Variants in VTI1A observed in about 807,000 individuals in gnomAD.
The protein encoded by VTI1A is vesicle transport through interaction with t-SNAREs homolog 1A.
A neutral mutation model predicts 34.9 loss-of-function variants in VTI1A; 22 were observed. That is an observed-to-expected ratio of 0.63 (90% CI 0.45 to 0.90). The LOEUF is 0.90. Among genes scored for constraint, VTI1A ranks in the 40% least tolerant of loss-of-function variants. The pLI is 0.00. For missense variants in VTI1A, 268 were observed against 275.6 expected, an observed-to-expected ratio of 0.97 and a Z score of 0.20; for synonymous variants, 87 against 97.3, an observed-to-expected ratio of 0.89 and a Z score of 0.62.
chr10:112,731,703 TC>T (rs1039699275), intron 7 of VTI1A, among the ~76,000 whole-genome samples: 5 of 152,214 alleles, frequency 3.3e-5, no homozygotes, highest in African/African-American at 1.2e-4. Context: ...ATTTTTGATG[TC>T]AGTTTTTAAT....
chr10:112,698,585 C>G (rs1848876363), intron 7 of VTI1A, among the ~76,000 whole-genome samples: 1 of 152,098 alleles, frequency 6.6e-6, no homozygotes, highest in Non-Finnish European at 1.5e-5. Flanking sequence ...AATTTAAGCC[C>G]CCAAATGAGA....
chr10:112,495,196 C>CTTTTTTTT (rs751870581), intron 3 of VTI1A, among the ~76,000 whole-genome samples: 2 of 79,026 alleles, frequency 2.5e-5, no homozygotes, highest in Admixed American at 1.3e-4. Context: ...CAGTAATGGT[C>CTTTTTTTT]TTTTTTTTTT....
At position 112,591,486 on chromosome 10, in the gene VTI1A, C is replaced by T. The variant is rs1489252374; in HGVS notation, c.427+53156C>T. Among the ~76,000 whole-genome samples, 5 of 151,598 alleles carry T rather than the reference C, an allele frequency of 3.3e-5. No homozygotes were observed. The East Asian group carries it at 9.7e-4, about 29-fold the overall frequency. Reference sequence around the variant, plus strand: ...AGTGAGCAGAGATCGCACCACTGCACTCCAGCCTGGGTGACAGAGTGAGAC... The same window carrying T: ...AGTGAGCAGAGATCGCACCACTGCATTCCAGCCTGGGTGACAGAGTGAGAC... On this transcript the variant is annotated intron_variant, in intron 5 of 7. Transcript: ENST00000393077.
intron 5 of VTI1A, among the ~76,000 whole-genome samples, chr10:112,611,419 G>T (rs1381304984): frequency 6.6e-6 from 1 of 152,162 alleles, no homozygotes; most frequent in Non-Finnish European, 1.5e-5. Flanking sequence ...CAATACGGCA[G>T]TTCCTTAAAA....
intron 7 of VTI1A, among the ~76,000 whole-genome samples, chr10:112,744,939 C>A (rs1323123660): frequency 6.6e-6 from 1 of 152,106 alleles, no homozygotes; most frequent in Non-Finnish European, 1.5e-5. Flanking sequence ...TTGGGGTACT[C>A]CCTGAAAGAA....
At chr10:112,671,993 T>C (rs887833280) in intron 7 of VTI1A, 1 of 152,144 alleles carries the variant, frequency 6.6e-6, no homozygotes, top group African/African-American at 2.4e-5. Context: ...TTTAGTGTAG[T>C]AGAGGACGTA....
chr10:112,755,678 T>C (rs1410775342), intron 7 of VTI1A, among the ~76,000 whole-genome samples: 1 of 152,246 alleles, frequency 6.6e-6, no homozygotes, highest in East Asian at 1.9e-4. Flanking sequence ...ATGTTTCAAG[T>C]ACTGACCAGA....
In VTI1A at chr10:112,780,628, T is replaced by A. The variant is rs562980450; in HGVS notation, c.561-34662T>A. Among the ~76,000 whole-genome samples, 9 of 152,288 alleles carry A rather than the reference T, an allele frequency of 5.9e-5. No individual in the cohort carries two copies. The East Asian group carries it at 1.7e-3, about 29-fold the overall frequency. On this transcript the variant is annotated intron_variant, in intron 7 of 7. Transcript: ENST00000393077. ...AATATGCATAATCTGATTTAACCCG[T>A]GTGTTAACCTTATCGAGTATGCATT...
At chr10:112,583,796 C>A (rs543874630) in intron 5 of VTI1A, among the ~76,000 whole-genome samples, 81 of 152,232 alleles carry the variant, frequency 5.3e-4, no homozygotes, top group African/African-American at 1.8e-3. Context: ...AAGGCTAACT[C>A]CCAGGGGGCA....
At chr10:112,583,638 A>G (rs1211318915) in intron 5 of VTI1A, among the ~76,000 whole-genome samples, 1 of 152,208 alleles carries the variant, frequency 6.6e-6, no homozygotes, top group Non-Finnish European at 1.5e-5. Context: ...AGGCAGTGAC[A>G]GGCAGTGTAA....
At chr10:112,660,725 G>A (rs1470716776) in intron 5 of VTI1A, among the ~76,000 whole-genome samples, 1 of 152,184 alleles carries the variant, frequency 6.6e-6, no homozygotes, top group Non-Finnish European at 1.5e-5. Flanking sequence ...CATGTGGCTA[G>A]TGGGTACTGT....
intron 7 of VTI1A, among the ~76,000 whole-genome samples, chr10:112,809,552 A>G (rs1853213428): frequency 6.6e-6 from 1 of 152,218 alleles, no homozygotes; most frequent in African/African-American, 2.4e-5. Context: ...GCCACTCTCC[A>G]GCTAATGAAC....
chr10:112,608,998 C>T (rs1165274069), intron 5 of VTI1A, among the ~76,000 whole-genome samples: 1 of 151,972 alleles, frequency 6.6e-6, no homozygotes, highest in East Asian at 1.9e-4. Context: ...AATATTTTAA[C>T]AAAATGTATA....
chr10:112,546,447 AAAT>A (rs1447386415), intron 5 of VTI1A, among the ~76,000 whole-genome samples: 1 of 152,090 alleles, frequency 6.6e-6, no homozygotes. Context: ...ACTCCCTATG[AAAT>A]AATTAATATG....
At chr10:112,625,120 G>A (rs1291394705) in intron 5 of VTI1A, among the ~76,000 whole-genome samples, 1 of 152,122 alleles carries the variant, frequency 6.6e-6, no homozygotes, top group Middle Eastern at 3.2e-3. Context: ...AAAGTATTTT[G>A]TAATAAAGTA....
chr10:112,853,221 A>G, the VTI1A span, among the ~76,000 whole-genome samples: 1 of 152,254 alleles, frequency 6.6e-6, no homozygotes, highest in South Asian at 2.1e-4. Flanking sequence ...TTCGCCTGCA[A>G]TCTCCAGTGA....
intron 7 of VTI1A, among the ~76,000 whole-genome samples, chr10:112,685,543 C>T (rs1848372496): frequency 6.6e-6 from 1 of 152,098 alleles, no homozygotes; most frequent in Non-Finnish European, 1.5e-5. Flanking sequence ...CTTTATAAAG[C>T]TTTACCTTCT....
chr10:112,517,393 A>G (rs147755270), intron 3 of VTI1A, among the ~76,000 whole-genome samples: 54 of 152,228 alleles, frequency 3.5e-4, no homozygotes, highest in Non-Finnish European at 7.4e-4. Context: ...ACTGATATAA[A>G]TAGATGATTG....
rs1284124804 is a variant in VTI1A, at chr10:112,668,137, T to C, written c.428-81T>C. ...ATGCATGCATGCAACTTTAACATTT[T>C]ATGCCATTTTAGTATTTCTGAGATT... On this transcript the variant is annotated intron_variant, in intron 5 of 7. Coordinates refer to ENST00000393077, the MANE Select transcript of VTI1A (RefSeq NM_145206.4). 5.3e-6 allele frequency: 6 copies of C among 1,140,900 alleles called. No homozygotes were observed. In the African/African-American group the frequency reaches 7.7e-5, roughly 15 times the overall value. The allele number at this position is 1,140,900 out of a possible 1,614,324, so 70.7% of individuals were successfully genotyped here. A position where few individuals can be genotyped will look rare whatever the true frequency, so the allele number is the denominator to read the frequency against.
Sources: gnomAD v4.1 joint callset for allele counts (sites outside exome capture counted in the v4.1 genomes callset) on GRCh38, gnomAD v4.1.1 for gene constraint, MANE v1.5 for transcripts, NCBI Gene and HGNC (gene_info 2026-07-23, HGNC 2026-07-21) for gene names.